The following CCDC186 variants were observed in gnomAD, a reference collection of about 807,000 sequenced individuals.
The protein encoded by CCDC186 is coiled-coil domain containing 186.
A neutral mutation model predicts 113.7 loss-of-function variants in CCDC186; 49 were observed. The ratio of observed to expected loss-of-function variants is 0.43; its 90% CI spans 0.34 to 0.55. CCDC186 has a LOEUF of 0.55. Among genes scored for constraint, CCDC186 ranks in the 20% least tolerant of loss-of-function variants. The pLI is 0.02. For missense variants in CCDC186, 890 were observed against 1,011.1 expected (o/e 0.88, Z 1.62); for synonymous variants, 355 against 345.8 (o/e 1.03, Z -0.30).
intron 10 of CCDC186, 75 bp from the exon 11 acceptor site, chr10:114,132,259 T>G: frequency 9.5e-7 from 1 of 1,054,300 alleles, no homozygotes; most frequent in Non-Finnish European, 1.3e-6. Context: ...GGAATTTTCA[T>G]CTAGTCAAAT....
chr10:114,128,901 AAG>A (rs1371310220), intron 13 of CCDC186, among the ~76,000 whole-genome samples: 1 of 152,224 alleles, frequency 6.6e-6, no homozygotes, highest in Admixed American at 6.5e-5. Context: ...TTAAAAGAAA[AAG>A]AGAGAGACCA....
intron 7 of CCDC186, among the ~76,000 whole-genome samples, 168 bp downstream of exon 7, chr10:114,137,018 G>C (rs2031284250): frequency 6.6e-6 from 1 of 152,134 alleles, no homozygotes; most frequent in African/African-American, 2.4e-5. Flanking sequence ...TTGGGAGGCT[G>C]GGGCAGGAGA....
intron 3 of CCDC186, among the ~76,000 whole-genome samples, chr10:114,156,517 G>C (rs537259500): frequency 1.3e-5 from 2 of 152,218 alleles, no homozygotes; most frequent in Admixed American, 1.3e-4. Context: ...CCTGAGGTCA[G>C]GAGTTCAAGA....
chr10:114,160,269 C>CAAAAAAAA, intron 2 of CCDC186, among the ~76,000 whole-genome samples: 1 of 114,220 alleles, frequency 8.8e-6, no homozygotes. Flanking sequence ...AACTCCACCT[C>CAAAAAAAA]AAAAAAAAAA....
chr10:114,141,649 G>A (rs907999777), intron 6 of CCDC186, among the ~76,000 whole-genome samples: 9 of 151,480 alleles, frequency 5.9e-5, no homozygotes, highest in Non-Finnish European at 1.0e-4. Flanking sequence ...ACACACGCAC[G>A]CACACACATA....
intron 1 of CCDC186, among the ~76,000 whole-genome samples, chr10:114,171,387 A>G (rs1193647249): frequency 6.6e-6 from 1 of 151,814 alleles, no homozygotes; most frequent in Non-Finnish European, 1.5e-5. Context: ...ATAATAATAT[A>G]TAATTTTTAA....
rs558385780 is a variant in CCDC186, at chr10:114,155,997, C to G, written c.759+1557G>C. ...AACAACAACAACAACAAAAAAAGCC[C>G]ACTAATAAGCTCATGAAAGGAAGGG... On this transcript the variant is annotated intron_variant, in intron 3 of 15. Coordinates refer to ENST00000369287, the MANE Select transcript of CCDC186 (RefSeq NM_018017.4). Among the ~76,000 whole-genome samples the G allele has an allele frequency of 5.3e-5, 8 of 152,112 alleles. No homozygotes were observed. The East Asian group carries it at 1.6e-3, about 30-fold the overall frequency.
At position 114,162,642 on chromosome 10, in the gene CCDC186, TATG is replaced by T. The variant is rs751498916; in HGVS notation, c.624_626del (p.Ile209del). The T allele has an allele frequency of 8.4e-6, 13 of 1,552,682 alleles. No homozygotes were observed. The highest frequency in any genetic ancestry group is 7.4e-5 in the South Asian group (6 of 81,468). On this transcript the variant is annotated inframe_deletion, in exon 2 of 16. Coordinates refer to ENST00000369287, the MANE Select transcript of CCDC186 (RefSeq NM_018017.4). ...TAAAGGTATAAAAAACTTACTTTTT[TATG>T]ATATGTTCCTGCTGCAAATATTTAT...
intron 1 of CCDC186, among the ~76,000 whole-genome samples, chr10:114,172,295 G>A (rs1210723108): frequency 6.6e-6 from 1 of 152,122 alleles, no homozygotes; most frequent in African/African-American, 2.4e-5. Flanking sequence ...TCTCTTCCTG[G>A]AGTCAGTATA....
intron 4 of CCDC186, among the ~76,000 whole-genome samples, chr10:114,147,814 G>C (rs2031691910): frequency 6.6e-6 from 1 of 152,104 alleles, no homozygotes; most frequent in South Asian, 2.1e-4. Context: ...AAAGACAGTT[G>C]TAATAGACAA....
At chr10:114,155,483 TG>T (rs2031983648) in intron 3 of CCDC186, among the ~76,000 whole-genome samples, 1 of 152,176 alleles carries the variant, frequency 6.6e-6, no homozygotes, top group Admixed American at 6.5e-5. Flanking sequence ...AAGACTGGCC[TG>T]GCTAACATGG....
chr10:114,173,507 C>T (rs1436957009), intron 1 of CCDC186, among the ~76,000 whole-genome samples: 4 of 152,230 alleles, frequency 2.6e-5, no homozygotes, highest in Non-Finnish European at 5.9e-5. Flanking sequence ...GTATCCACCA[C>T]TCCAAAGAAT....
At chr10:114,164,115 T>TA (rs1491103930) in intron 1 of CCDC186, among the ~76,000 whole-genome samples, 2,721 of 94,258 alleles carry the variant, frequency 0.029, 84 homozygotes, top group South Asian at 0.12. Context: ...TATATATATA[T>TA]TTTTTTTTTT....
intron 1 of CCDC186, among the ~76,000 whole-genome samples, chr10:114,167,422 G>A (rs57389098): frequency 0.036 from 5,536 of 152,068 alleles, 332 homozygotes; most frequent in African/African-American, 0.12. Context: ...TAGCAGATGG[G>A]GAGAAAAAGC....
At chr10:114,155,915 C>T (rs11598654) in intron 3 of CCDC186, among the ~76,000 whole-genome samples, 12,220 of 152,096 alleles carry the variant, frequency 0.08, 576 homozygotes, top group Middle Eastern at 0.14. Flanking sequence ...GTGGATGCCA[C>T]ATTAGATAGT....
chr10:114,171,943 C>T (rs1277210645), intron 1 of CCDC186, among the ~76,000 whole-genome samples: 1 of 152,068 alleles, frequency 6.6e-6, no homozygotes, highest in Non-Finnish European at 1.5e-5. Flanking sequence ...TTTTAAATCT[C>T]AGTAGCTAAG....
chr10:114,164,978 A>G (rs987049799), intron 1 of CCDC186, among the ~76,000 whole-genome samples: 1 of 152,232 alleles, frequency 6.6e-6, no homozygotes, highest in Non-Finnish European at 1.5e-5. Context: ...ATATTTGTTT[A>G]ATTAAAGCCT....
In CCDC186 at chr10:114,134,968, G is replaced by T. The variant is rs1255003250; in HGVS notation, c.1600C>A (p.Gln534Lys). Residue 534 changes from glutamine (Q) to lysine (K), a missense_variant, in exon 10 of 16, where the codon CAG becomes AAG. Physicochemically the swap from Gln to Lys is moderately conservative, Grantham distance 53 (BLOSUM62 1). Transcript: ENST00000369287. The stretch of plus-strand genomic sequence containing the variant: ...GTTTTCACCTTGTCCAATAAATTCT[G>T]AATTTCAGCTTTTTGGCGATTAATA... ...EIINRQKAEI[Q>K]NLLDKVKTAD... 4 of 1,612,102 alleles carry T rather than the reference G, an allele frequency of 2.5e-6. No individual in the cohort carries two copies. The South Asian group carries it at 4.4e-5, about 18-fold the overall frequency.
intron 5 of CCDC186, among the ~76,000 whole-genome samples, chr10:114,145,061 G>A (rs2031592524): frequency 6.6e-6 from 1 of 152,078 alleles, no homozygotes; most frequent in South Asian, 2.1e-4. Flanking sequence ...GTTCTGAATA[G>A]CTGGCTCAGT....
Sources: allele counts gnomAD v4.1 joint callset (sites outside exome capture counted in the v4.1 genomes callset), GRCh38; gene constraint gnomAD v4.1.1; transcripts MANE v1.5; gene names NCBI Gene and HGNC (gene_info 2026-07-23, HGNC 2026-07-21).